EPC2: variants seen among roughly 807,000 people sequenced by gnomAD.
EPC2 encodes the protein enhancer of polycomb 2, also known as enhancer of polycomb homolog 2.
A neutral mutation model predicts 92.1 loss-of-function variants in EPC2; 14 were observed. The ratio of observed to expected loss-of-function variants is 0.15; its 90% CI spans 0.10 to 0.24. EPC2 has a LOEUF of 0.24. Among genes scored for constraint, EPC2 ranks in the 10% least tolerant of loss-of-function variants. EPC2 has a pLI of 1.00. For synonymous variants in EPC2, 340 were observed against 334.7 expected, an observed-to-expected ratio of 1.02 and a Z score of -0.17; for missense variants, 755 against 971.5, an observed-to-expected ratio of 0.78 and a Z score of 2.96.
At chr2:148,679,126 G>T (rs1334129333) in intron 1 of EPC2, among the ~76,000 whole-genome samples, 1 of 152,154 alleles carries the variant, frequency 6.6e-6, no homozygotes, top group Non-Finnish European at 1.5e-5. Flanking sequence ...TTGTACTTTG[G>T]GGAAAGTGAA....
intron 1 of EPC2, among the ~76,000 whole-genome samples, chr2:148,651,145 T>G (rs1046347908): frequency 6.6e-6 from 1 of 152,198 alleles, no homozygotes. Flanking sequence ...CGTAACAATT[T>G]GGGCTTTCAG....
chr2:148,752,626 T>C (rs1373244113), intron 3 of EPC2, among the ~76,000 whole-genome samples: 2 of 152,170 alleles, frequency 1.3e-5, no homozygotes, highest in Non-Finnish European at 2.9e-5. Flanking sequence ...AATGTAATTG[T>C]GACATGGACT....
At chr2:148,746,325 C>A (rs1240637677) in intron 3 of EPC2, among the ~76,000 whole-genome samples, 5 of 152,046 alleles carry the variant, frequency 3.3e-5, no homozygotes, top group Admixed American at 3.3e-4. Flanking sequence ...CTTTTGGGAA[C>A]TGAACTTACT....
chr2:148,698,011 A>C (rs1423077043), intron 2 of EPC2, among the ~76,000 whole-genome samples: 3 of 152,162 alleles, frequency 2.0e-5, no homozygotes, highest in Admixed American at 6.5e-5. Flanking sequence ...ACCTCAGTCA[A>C]GTGGGCTTTA....
At chr2:148,685,616 C>G (rs1471636739) in intron 1 of EPC2, among the ~76,000 whole-genome samples, 1 of 152,078 alleles carries the variant, frequency 6.6e-6, no homozygotes, top group Non-Finnish European at 1.5e-5. Context: ...AAAAAATTAG[C>G]CGGGTGTGGT....
chr2:148,762,729 A>T lies in EPC2; in HGVS notation c.875A>T (p.Glu292Val), dbSNP rs539948824. The change falls in exon 6 of 14, where the codon GAA becomes GTA. Residue 292 changes from glutamate (E) to valine (V), a missense_variant. Glu to Val is a moderately radical substitution (Grantham distance 121). This residue lies in a region of EPC2 where 509 missense variants were observed against 607.7 expected (regional missense o/e 0.84). Transcript: ENST00000258484. ...ILNEVKISRS[E>V]KELYATPATL... is the part of the protein sequence containing the mutation. ...AATGAAGTAAAAATCAGTAGATCAG[A>T]AAAAGAGTTATATGCCACTCCAGCA... 6.2e-7 allele frequency: 1 copy of T among 1,611,134 alleles called. No individual in the cohort carries two copies. Among genetic ancestry groups the T allele is most frequent in the African/African-American group, 1.3e-5 (1 of 74,970 alleles).
At chr2:148,769,390 A>G (rs1683474422) in intron 8 of EPC2, 150 bp downstream of exon 8, 1 of 619,944 alleles carries the variant, frequency 1.6e-6, no homozygotes, top group Admixed American at 2.5e-5. Context: ...AAAGATGCTA[A>G]AAGGTACTGA....
At chr2:148,645,279 C>G (rs1683770861) in intron 1 of EPC2, 109 bp downstream of exon 1, 8 of 1,002,226 alleles carry the variant, frequency 8.0e-6, no homozygotes, top group Non-Finnish European at 1.2e-5. Flanking sequence ...GGCGCCGCTG[C>G]CGCTCTAACG....
chr2:148,648,256 A>T (rs1347547926), intron 1 of EPC2, among the ~76,000 whole-genome samples: 2 of 152,098 alleles, frequency 1.3e-5, no homozygotes, highest in Non-Finnish European at 2.9e-5. Context: ...TTCTTTTTTA[A>T]ATATGTATGT....
chr2:148,674,867 G>A (rs1681231974), intron 1 of EPC2, among the ~76,000 whole-genome samples: 1 of 152,152 alleles, frequency 6.6e-6, no homozygotes, highest in African/African-American at 2.4e-5. Context: ...GTATGTTTGT[G>A]TGGGAATGAG....
At chr2:148,782,033 T>C (rs1683759674) in intron 11 of EPC2, among the ~76,000 whole-genome samples, 1 of 152,158 alleles carries the variant, frequency 6.6e-6, no homozygotes, top group African/African-American at 2.4e-5. Flanking sequence ...TGAGAATTTA[T>C]AGAAGTAATT....
At chr2:148,756,559 T>A (rs1422430771) in intron 4 of EPC2, among the ~76,000 whole-genome samples, 1 of 152,236 alleles carries the variant, frequency 6.6e-6, no homozygotes, top group Non-Finnish European at 1.5e-5. Flanking sequence ...AATTTAATTT[T>A]AAGTCGCTGA....
At chr2:148,699,377 C>T (rs1681830037) in intron 2 of EPC2, among the ~76,000 whole-genome samples, 1 of 152,100 alleles carries the variant, frequency 6.6e-6, no homozygotes, top group Non-Finnish European at 1.5e-5. Context: ...TAACATGGAT[C>T]CATGATTACA....
chr2:148,656,127 T>C (rs183427814), intron 1 of EPC2, among the ~76,000 whole-genome samples: 3 of 151,924 alleles, frequency 2.0e-5, no homozygotes, highest in Non-Finnish European at 2.9e-5. Context: ...GTGAGTAATA[T>C]GTGATCCTAA....
At chr2:148,690,709 C>T (rs1681627906) in intron 2 of EPC2, among the ~76,000 whole-genome samples, 1 of 151,926 alleles carries the variant, frequency 6.6e-6, no homozygotes, top group Admixed American at 6.6e-5. Flanking sequence ...GTTACCCAGG[C>T]TGGAGTGCAG....
At chr2:148,753,625 C>G (rs766568450) in intron 3 of EPC2, among the ~76,000 whole-genome samples, 3 of 152,182 alleles carry the variant, frequency 2.0e-5, no homozygotes, top group Non-Finnish European at 2.9e-5. Context: ...TGGATGTCTT[C>G]TAGTCCAAGA....
At chr2:148,774,493 G>A (rs2105434202) in intron 10 of EPC2, among the ~76,000 whole-genome samples, 2 of 151,922 alleles carry the variant, frequency 1.3e-5, no homozygotes, top group East Asian at 3.9e-4. Flanking sequence ...CGGGTGTGGT[G>A]GCACGTGCCT....
chr2:148,755,918 C>T (rs1370956826), intron 4 of EPC2, among the ~76,000 whole-genome samples: 1 of 152,162 alleles, frequency 6.6e-6, no homozygotes, highest in African/African-American at 2.4e-5. Flanking sequence ...TGTCATTAAG[C>T]AATGCATGAC....
chr2:148,663,592 A>ATTTTTTTTTTT (rs56911412), intron 1 of EPC2, among the ~76,000 whole-genome samples: 3 of 74,368 alleles, frequency 4.0e-5, no homozygotes, highest in Admixed American at 2.2e-4. Context: ...ATAGATTAAG[A>ATTTTTTTTTTT]TTTTTTTTTT....
Sources: allele counts gnomAD v4.1 joint callset (sites outside exome capture counted in the v4.1 genomes callset), GRCh38; gene constraint gnomAD v4.1.1; regional missense constraint gnomAD v4.1.1; transcripts MANE v1.5; gene names NCBI Gene and HGNC (gene_info 2026-07-23, HGNC 2026-07-21).